Variants in COL23A1 observed in about 807,000 individuals in gnomAD.
The protein encoded by COL23A1 is collagen type XXIII alpha 1 chain.
In COL23A1, 97 loss-of-function variants were observed where a neutral mutation model predicts 99.3. The ratio of observed to expected loss-of-function variants is 0.98; its 90% CI spans 0.83 to 1.16. The LOEUF (loss-of-function observed/expected upper bound fraction) is 1.16, where lower values mean the gene tolerates loss of function less well. Ranked by LOEUF, COL23A1 falls within the 50% of genes most tolerant of loss-of-function variation. The pLI is 0.00. For synonymous variants in COL23A1, 320 were observed against 308.2 expected (o/e 1.04, Z -0.40); for missense variants, 762 against 757.4 (o/e 1.01, Z -0.07).
rs575792850 is a variant in COL23A1 at position 178,352,652 on chromosome 5, G to A, written c.362-45733C>T. Among the ~76,000 whole-genome samples, 25 of 152,352 alleles carry A rather than the reference G, an allele frequency of 1.6e-4. No homozygotes were observed. The East Asian group carries it at 3.9e-3, about 24-fold the overall frequency. On this transcript the variant is annotated intron_variant, in intron 2 of 28. Transcript: ENST00000390654. ...CCCAGCTAAGAGACAAGGGCGATCC[G>A]TTTCTCGTGGCCTAATAGACAATGT...
chr5:178,545,925 C>G (rs992588932), intron 2 of COL23A1, among the ~76,000 whole-genome samples: 1 of 152,172 alleles, frequency 6.6e-6, no homozygotes, highest in Admixed American at 6.5e-5. Flanking sequence ...ATCGTATTAC[C>G]CCATTTTATG....
chr5:178,385,992 CAGA>C (rs1763649455), intron 2 of COL23A1, among the ~76,000 whole-genome samples: 1 of 152,132 alleles, frequency 6.6e-6, no homozygotes, highest in Non-Finnish European at 1.5e-5. Flanking sequence ...AGTACCAAAG[CAGA>C]AGAAGGCAGA....
At chr5:178,525,837 A>C (rs1344289532) in intron 2 of COL23A1, among the ~76,000 whole-genome samples, 1 of 152,260 alleles carries the variant, frequency 6.6e-6, no homozygotes, top group Non-Finnish European at 1.5e-5. Context: ...GATCAGGTAA[A>C]ATGTATCCAC....
chr5:178,262,384 C>A, intron 9 of COL23A1, 132 bp from the exon 10 acceptor site: 2 of 802,212 alleles, frequency 2.5e-6, no homozygotes, highest in East Asian at 2.8e-5. Context: ...ACCTGAAGAG[C>A]GAGTATCACT....
rs904055733 is a variant in COL23A1, at chr5:178,387,669, G to A, written c.362-80750C>T. Among the ~76,000 whole-genome samples, 1 of 152,182 alleles carries A rather than the reference G, an allele frequency of 6.6e-6. No homozygotes were observed. The highest frequency in any genetic ancestry group is 2.4e-5 in the African/African-American group (1 of 41,434). The stretch of plus-strand genomic sequence containing the variant: ...CTTTTATCCCCAGTACGAATACAAA[G>A]ATAAGGTCAAAGAACACACTCAGTA... On this transcript the variant is annotated intron_variant, in intron 2 of 28. Transcript: ENST00000390654. This position sits in a 1 kb window ranked among gnomAD's most constrained non-coding sequence, Gnocchi z 4.7.
At chr5:178,325,924 G>A in intron 2 of COL23A1, among the ~76,000 whole-genome samples, 1 of 152,182 alleles carries the variant, frequency 6.6e-6, no homozygotes, top group East Asian at 1.9e-4. Context: ...ACTGCGGTGG[G>A]AAATGCCAGT....
At chr5:178,493,119 A>G (rs1185265190) in intron 2 of COL23A1, among the ~76,000 whole-genome samples, 2 of 152,182 alleles carry the variant, frequency 1.3e-5, no homozygotes, top group African/African-American at 4.8e-5. Flanking sequence ...AGCATCAGGC[A>G]CTGAATGAGT....
chr5:178,520,217 G>A (rs1008974241), intron 2 of COL23A1, among the ~76,000 whole-genome samples: 1 of 152,158 alleles, frequency 6.6e-6, no homozygotes, highest in African/African-American at 2.4e-5. Flanking sequence ...AGGAAGGAGG[G>A]AAGACTGGGA....
At position 178,280,259 on chromosome 5, in the gene COL23A1, G is replaced by A. The variant is rs1472548824; in HGVS notation, c.441+8065C>T. Among the ~76,000 whole-genome samples the A allele has an allele frequency of 6.6e-6, 1 of 152,216 alleles. No individual in the cohort carries two copies. Among genetic ancestry groups the A allele is most frequent in the African/African-American group, 2.4e-5 (1 of 41,462 alleles). ...AGGACGCTGGCCATTGAGGATGCAG[G>A]CCCAAAAGGGGCGCCTTCAGCCTCA... On this transcript the variant is annotated intron_variant, in intron 5 of 28. Coordinates refer to ENST00000390654, the MANE Select transcript of COL23A1 (RefSeq NM_173465.4). This position sits in a 1 kb window ranked among gnomAD's most constrained non-coding sequence, Gnocchi z 4.9.
intron 5 of COL23A1, among the ~76,000 whole-genome samples, chr5:178,279,892 C>G (rs1250949061): frequency 6.6e-6 from 1 of 152,238 alleles, no homozygotes; most frequent in Non-Finnish European, 1.5e-5. Context: ...GCCTCCTAGC[C>G]CTGGCCACGA....
chr5:178,563,602 G>A (rs985257296), intron 1 of COL23A1, among the ~76,000 whole-genome samples: 3 of 126,690 alleles, frequency 2.4e-5, no homozygotes, highest in Admixed American at 1.0e-4. Context: ...CACCATCTCC[G>A]CTCACTGCAG....
At chr5:178,584,428 C>T (rs1014739907) in intron 1 of COL23A1, among the ~76,000 whole-genome samples, 1 of 152,006 alleles carries the variant, frequency 6.6e-6, no homozygotes, top group Non-Finnish European at 1.5e-5. Context: ...TCTTGAACTC[C>T]TGGGCTCAAG....
intron 2 of COL23A1, among the ~76,000 whole-genome samples, chr5:178,469,071 A>G: frequency 6.6e-6 from 1 of 152,208 alleles, no homozygotes; most frequent in South Asian, 2.1e-4. Flanking sequence ...ATGTTGCAGC[A>G]CGTGTCAGAA....
intron 25 of COL23A1, 132 bp from the exon 26 acceptor site, chr5:178,242,526 T>A: frequency 1.2e-6 from 1 of 839,322 alleles, no homozygotes; most frequent in Non-Finnish European, 1.9e-6. Context: ...CACGCTGGCC[T>A]AGCCCTAGCT....
At chr5:178,429,782 G>A (rs1221286114) in intron 2 of COL23A1, among the ~76,000 whole-genome samples, 1 of 152,120 alleles carries the variant, frequency 6.6e-6, no homozygotes, top group Non-Finnish European at 1.5e-5. Context: ...GCTCCCCATG[G>A]CCTACTGGCT....
chr5:178,263,154 G>A lies in COL23A1; in HGVS notation c.639+54C>T, dbSNP rs1243300661. 3 of 1,294,552 alleles carry A rather than the reference G, an allele frequency of 2.3e-6. No homozygotes were observed. The African/African-American group carries it at 4.4e-5, about 19-fold the overall frequency. 80.2% of individuals were successfully genotyped at this position (1,294,552 alleles called of 1,614,324 possible). On this transcript the variant is annotated intron_variant, in intron 9 of 28. Transcript: ENST00000390654. ...GGGGATGGGGCTGGCTCTGGAATCA[G>A]GATTTGGGGTTTTGGTCAAGTCCTG...
At chr5:178,284,392 A>G (rs1284133103) in intron 5 of COL23A1, among the ~76,000 whole-genome samples, 2 of 152,258 alleles carry the variant, frequency 1.3e-5, no homozygotes, top group Non-Finnish European at 2.9e-5. Flanking sequence ...TTATATTGGC[A>G]TAGCTTTAAA....
At chr5:178,567,386 G>A (rs1272222014) in intron 1 of COL23A1, among the ~76,000 whole-genome samples, 1 of 152,162 alleles carries the variant, frequency 6.6e-6, no homozygotes, top group Non-Finnish European at 1.5e-5. Context: ...TACAGTGCCC[G>A]AAAGTAAGGA....
intron 2 of COL23A1, among the ~76,000 whole-genome samples, chr5:178,341,873 C>A (rs1179469516): frequency 6.6e-6 from 1 of 152,142 alleles, no homozygotes; most frequent in Non-Finnish European, 1.5e-5. Context: ...CCTGGCGAGC[C>A]CCTCACTGCC....
Sources: allele counts gnomAD v4.1 joint callset (sites outside exome capture counted in the v4.1 genomes callset), GRCh38; gene constraint gnomAD v4.1.1; non-coding constraint Gnocchi (gnomAD v3.1); transcripts MANE v1.5; gene names NCBI Gene and HGNC (gene_info 2026-07-23, HGNC 2026-07-21).